PRKCA: variants seen among roughly 807,000 people sequenced by gnomAD.
PRKCA encodes protein kinase C alpha, also known as protein kinase C alpha type.
A neutral mutation model predicts 87.0 loss-of-function variants in PRKCA; 27 were observed. The ratio of observed to expected loss-of-function variants is 0.31; its 90% CI spans 0.23 to 0.43. The LOEUF (loss-of-function observed/expected upper bound fraction) is 0.43. Ranked by LOEUF, PRKCA falls within the 20% of genes least tolerant of loss-of-function variation. The pLI is 1.00. For synonymous variants in PRKCA, 329 were observed against 311.1 expected, an observed-to-expected ratio of 1.06 and a Z score of -0.61; for missense variants, 518 against 852.3, an observed-to-expected ratio of 0.61 and a Z score of 4.88.
chr17:66,303,995 C>A (rs1281130634), intron 1 of PRKCA, among the ~76,000 whole-genome samples: 1 of 151,998 alleles, frequency 6.6e-6, no homozygotes, highest in Non-Finnish European at 1.5e-5. Context: ...GAGCGAGATT[C>A]CGTCTCAAAA....
intron 2 of PRKCA, among the ~76,000 whole-genome samples, chr17:66,349,105 G>C (rs1907578801): frequency 6.6e-6 from 1 of 152,206 alleles, no homozygotes; most frequent in Admixed American, 6.5e-5. Context: ...CATCTTAGCT[G>C]CGTCCATCAA....
At chr17:66,454,178 C>G (rs1179722810) in intron 2 of PRKCA, among the ~76,000 whole-genome samples, 2 of 152,204 alleles carry the variant, frequency 1.3e-5, no homozygotes, top group Non-Finnish European at 2.9e-5. Context: ...GCCCACTGCC[C>G]TCTCTGGGCA....
intron 2 of PRKCA, among the ~76,000 whole-genome samples, chr17:66,494,438 C>G (rs766343171): frequency 6.6e-6 from 1 of 152,186 alleles, no homozygotes; most frequent in South Asian, 2.1e-4. Context: ...CCTCGTGTGG[C>G]AGAAGGCAGA....
intron 2 of PRKCA, among the ~76,000 whole-genome samples, chr17:66,458,570 T>C (rs1201403792): frequency 2.6e-5 from 4 of 152,064 alleles, no homozygotes; most frequent in African/African-American, 9.7e-5. Context: ...AACCTCCACT[T>C]CCTGGGCTCA....
intron 5 of PRKCA, among the ~76,000 whole-genome samples, chr17:66,664,953 T>C (rs1040155868): frequency 3.3e-5 from 5 of 152,110 alleles, no homozygotes; most frequent in African/African-American, 4.8e-5. Context: ...TGCAGTTTTA[T>C]ATGCCAACCC....
intron 2 of PRKCA, among the ~76,000 whole-genome samples, chr17:66,437,530 C>A: frequency 6.6e-6 from 1 of 152,052 alleles, no homozygotes; most frequent in Middle Eastern, 3.4e-3. Flanking sequence ...AAACAGTTTA[C>A]AAAGAATTTG....
chr17:66,731,351 G>GAAAAA (rs5821509), intron 8 of PRKCA, among the ~76,000 whole-genome samples: 13,291 of 111,850 alleles, frequency 0.12, 869 homozygotes, highest in East Asian at 0.21. Flanking sequence ...CTCCGTCTCA[G>GAAAAA]AAAAAAAAAA....
chr17:66,593,390 G>A (rs115363245), intron 3 of PRKCA, among the ~76,000 whole-genome samples: 148 of 152,254 alleles, frequency 9.7e-4, no homozygotes, highest in African/African-American at 3.5e-3. Flanking sequence ...TGGAGGAAGA[G>A]GATGAGGCAC....
At chr17:66,523,299 A>G (rs1038250411) in intron 3 of PRKCA, among the ~76,000 whole-genome samples, 4 of 152,166 alleles carry the variant, frequency 2.6e-5, no homozygotes, top group African/African-American at 9.7e-5. Context: ...AAATTCAGGC[A>G]GGTCATTCTT....
At chr17:66,784,339 G>A (rs1313958639) in intron 14 of PRKCA, among the ~76,000 whole-genome samples, 1 of 152,210 alleles carries the variant, frequency 6.6e-6, no homozygotes, top group Non-Finnish European at 1.5e-5. Flanking sequence ...TCCGCCTCCT[G>A]GGTTCAAGTG....
chr17:66,415,279 T>A (rs955480398), intron 2 of PRKCA: 2 of 152,170 alleles, frequency 1.3e-5, no homozygotes, highest in African/African-American at 2.4e-5. Context: ...ATTTAGAAAA[T>A]AAGTTAGAAC....
At chr17:66,434,322 C>T (rs1430803686) in intron 2 of PRKCA, among the ~76,000 whole-genome samples, 1 of 151,954 alleles carries the variant, frequency 6.6e-6, no homozygotes, top group African/African-American at 2.4e-5. Context: ...TGTGGCTTAT[C>T]AAGTGCAGTG....
At chr17:66,358,489 G>A (rs1037929629) in intron 2 of PRKCA, among the ~76,000 whole-genome samples, 1 of 150,080 alleles carries the variant, frequency 6.7e-6, no homozygotes, top group Non-Finnish European at 1.5e-5. Flanking sequence ...TTAATAGATG[G>A]TAATCTATTA....
At chr17:66,692,190 T>A (rs1480476411) in intron 8 of PRKCA, among the ~76,000 whole-genome samples, 1 of 152,170 alleles carries the variant, frequency 6.6e-6, no homozygotes, top group African/African-American at 2.4e-5. Flanking sequence ...CCTAGTGAGG[T>A]CTGTGTTTGG....
intron 13 of PRKCA, among the ~76,000 whole-genome samples, chr17:66,755,798 C>T (rs755440271): frequency 5.3e-5 from 8 of 152,138 alleles, no homozygotes; most frequent in Non-Finnish European, 1.0e-4. Flanking sequence ...GAGCCATTGG[C>T]GCCTCCCACG....
Position 66,804,075 on chromosome 17 carries a change from G to A in PRKCA, c.*38G>A. ...AGAACAAACACCTCCCCAGCCCCCA[G>A]CCCTCCCCGCAGTGGGAAGTGAATC... On this transcript the variant is annotated 3_prime_UTR_variant, in exon 17 of 17. Transcript: ENST00000413366. The A allele has an allele frequency of 7.0e-6, 11 of 1,581,684 alleles. No individual in the cohort carries two copies. The highest frequency in any genetic ancestry group is 1.1e-5 in the South Asian group (1 of 89,204).
intron 3 of PRKCA, among the ~76,000 whole-genome samples, chr17:66,602,341 TCCGTCA>T (rs1970067123): frequency 2.1e-5 from 3 of 141,034 alleles, no homozygotes; most frequent in Middle Eastern, 6.9e-3. Context: ...TCCAGGTGCG[TCCGTCA>T]CCCCTTTCTT....
chr17:66,534,769 C>A (rs9303509), intron 3 of PRKCA, among the ~76,000 whole-genome samples: 48,082 of 151,962 alleles, frequency 0.32, 7,886 homozygotes, highest in South Asian at 0.49. Flanking sequence ...GACAAGTGAA[C>A]CTTCTTAAGG....
intron 3 of PRKCA, among the ~76,000 whole-genome samples, chr17:66,525,192 C>T (rs1376623652): frequency 6.6e-6 from 1 of 152,094 alleles, no homozygotes; most frequent in Non-Finnish European, 1.5e-5. Context: ...GATGAGAGAC[C>T]ACGTGGAGCA....
Sources: gnomAD v4.1 joint callset for allele counts (sites outside exome capture counted in the v4.1 genomes callset) on GRCh38, gnomAD v4.1.1 for gene constraint, MANE v1.5 for transcripts, NCBI Gene and HGNC (gene_info 2026-07-23, HGNC 2026-07-21) for gene names.